GPM6A: variants seen among roughly 807,000 people sequenced by gnomAD.
GPM6A encodes neuronal membrane glycoprotein M6-a.
Under a neutral mutation model 32.1 loss-of-function variants are expected in GPM6A, and 7 were observed. That is an observed-to-expected ratio of 0.22 (90% CI 0.12 to 0.41). GPM6A has a LOEUF of 0.41. Ranked by LOEUF, GPM6A falls within the 10% of genes least tolerant of loss-of-function variation. The probability of loss-of-function intolerance (pLI) is 1.00; values close to 1 mark genes in which losing one functional copy is unlikely to be tolerated. For synonymous variants in GPM6A, 130 were observed against 123.4 expected (o/e 1.05, Z -0.35); for missense variants, 235 against 347.2 (o/e 0.68, Z 2.57).
chr4:175,646,046 TG>T (rs1741445929), intron 4 of GPM6A, among the ~76,000 whole-genome samples: 1 of 152,142 alleles, frequency 6.6e-6, no homozygotes, highest in Non-Finnish European at 1.5e-5. Context: ...TCCTCTCCTT[TG>T]GCCCTACTTT....
intron 1 of GPM6A, among the ~76,000 whole-genome samples, chr4:175,887,218 T>A (rs1162030565): frequency 2.6e-5 from 4 of 151,930 alleles, no homozygotes; most frequent in Non-Finnish European, 5.9e-5. Flanking sequence ...TGCCAAAAAA[T>A]TTATATAATG....
At chr4:175,672,513 G>A (rs140592555) in intron 3 of GPM6A, among the ~76,000 whole-genome samples, 2 of 152,216 alleles carry the variant, frequency 1.3e-5, no homozygotes, top group African/African-American at 2.4e-5. Context: ...GAAATTGCTT[G>A]GGCATCACTG....
intron 1 of GPM6A, among the ~76,000 whole-genome samples, chr4:175,936,886 T>C (rs973165388): frequency 1.3e-5 from 2 of 151,970 alleles, no homozygotes; most frequent in Non-Finnish European, 2.9e-5. Context: ...GGAAACAATA[T>C]AAACAAAGAA....
At chr4:175,669,629 AT>A (rs1220051294) in intron 3 of GPM6A, among the ~76,000 whole-genome samples, 1 of 152,150 alleles carries the variant, frequency 6.6e-6, no homozygotes, top group Non-Finnish European at 1.5e-5. Context: ...CAACTAGTTA[AT>A]TTTGTTTCTT....
intron 1 of GPM6A, among the ~76,000 whole-genome samples, chr4:175,963,161 C>T (rs6823158): frequency 0.018 from 2,716 of 149,822 alleles, 72 homozygotes; most frequent in African/African-American, 0.062. Context: ...ATCAAAGAAA[C>T]GTGGGACAAT....
chr4:175,912,146 A>G (rs1738340919), intron 1 of GPM6A, among the ~76,000 whole-genome samples: 1 of 152,104 alleles, frequency 6.6e-6, no homozygotes, highest in Non-Finnish European at 1.5e-5. Context: ...TAAACAAGTA[A>G]ACAAATTGAG....
intron 2 of GPM6A, among the ~76,000 whole-genome samples, chr4:175,691,009 A>G (rs940678914): frequency 6.6e-6 from 1 of 152,238 alleles, no homozygotes; most frequent in African/African-American, 2.4e-5. Flanking sequence ...AAACATTTAA[A>G]TTATAATAAA....
At chr4:175,961,005 G>T (rs540058544) in intron 1 of GPM6A, among the ~76,000 whole-genome samples, 71 of 152,314 alleles carry the variant, frequency 4.7e-4, no homozygotes, top group African/African-American at 1.7e-3. Flanking sequence ...GCACAAGAAT[G>T]TCTATGTTAC....
intron 1 of GPM6A, among the ~76,000 whole-genome samples, chr4:175,715,926 G>A (rs977375281): frequency 6.6e-6 from 1 of 152,118 alleles, no homozygotes; most frequent in South Asian, 2.1e-4. Context: ...TTAGCTGGGT[G>A]TGGTGGCACA....
chr4:175,949,824 A>G (rs1158883005), intron 1 of GPM6A, among the ~76,000 whole-genome samples: 1 of 152,216 alleles, frequency 6.6e-6, no homozygotes. Context: ...TATTGTCAAC[A>G]GCTTGTTTAA....
At chr4:175,808,933 C>T (rs1393251282) in intron 1 of GPM6A, among the ~76,000 whole-genome samples, 1 of 152,150 alleles carries the variant, frequency 6.6e-6, no homozygotes, top group Non-Finnish European at 1.5e-5. Context: ...CCTGCTGGCT[C>T]TTTCTGTCCC....
At chr4:175,895,249 C>T (rs1460016850) in intron 1 of GPM6A, among the ~76,000 whole-genome samples, 1 of 151,980 alleles carries the variant, frequency 6.6e-6, no homozygotes, top group Non-Finnish European at 1.5e-5. Flanking sequence ...GTTTGGTAAG[C>T]TTCTATAAGG....
At chr4:175,975,623 A>G (rs1411753428) in intron 1 of GPM6A, among the ~76,000 whole-genome samples, 2 of 152,232 alleles carry the variant, frequency 1.3e-5, no homozygotes, top group Non-Finnish European at 2.9e-5. Flanking sequence ...GTTCCTAACT[A>G]ATTTTTAGAA....
At chr4:175,730,092 T>G (rs1731352446) in intron 1 of GPM6A, among the ~76,000 whole-genome samples, 1 of 151,818 alleles carries the variant, frequency 6.6e-6, no homozygotes, top group South Asian at 2.1e-4. Context: ...TTTAAAAAAT[T>G]TTACAAATAA....
At chr4:175,992,194 A>G (rs1419395966) in intron 1 of GPM6A, among the ~76,000 whole-genome samples, 1 of 152,150 alleles carries the variant, frequency 6.6e-6, no homozygotes, top group African/African-American at 2.4e-5. Context: ...TTAATAACAT[A>G]TTAATAATAT....
chr4:175,820,500 C>CTTTTTTTT (rs66569311), intron 1 of GPM6A, among the ~76,000 whole-genome samples: 10 of 112,112 alleles, frequency 8.9e-5, no homozygotes, highest in South Asian at 2.9e-4. Context: ...TCTTTTCTTT[C>CTTTTTTTT]TTTTTTTTTT....
intron 1 of GPM6A, among the ~76,000 whole-genome samples, chr4:175,818,818 A>G (rs1735190804): frequency 6.6e-6 from 1 of 152,220 alleles, no homozygotes; most frequent in Non-Finnish European, 1.5e-5. Context: ...GAGATATTTC[A>G]AAGAGCAACC....
At chr4:175,745,117 G>A (rs1732048390) in intron 1 of GPM6A, among the ~76,000 whole-genome samples, 1 of 151,860 alleles carries the variant, frequency 6.6e-6, no homozygotes, top group Non-Finnish European at 1.5e-5. Flanking sequence ...AGAGTATCAT[G>A]ATAAAAAATC....
chr4:175,873,260 T>G (rs1239971969), intron 1 of GPM6A, among the ~76,000 whole-genome samples: 1 of 152,098 alleles, frequency 6.6e-6, no homozygotes, highest in Non-Finnish European at 1.5e-5. Flanking sequence ...TTAAGTACTT[T>G]GTCATTTCTA....
Sources: gnomAD v4.1 joint callset for allele counts (sites outside exome capture counted in the v4.1 genomes callset) on GRCh38, gnomAD v4.1.1 for gene constraint, MANE v1.5 for transcripts, NCBI Gene and HGNC (gene_info 2026-07-23, HGNC 2026-07-21) for gene names.